Variants in NUP214 observed in about 807,000 individuals in gnomAD.
NUP214 encodes the protein nucleoporin 214, also known as nuclear pore complex protein Nup214.
In NUP214, 79 loss-of-function variants were observed where a neutral mutation model predicts 196.2. The ratio of observed to expected loss-of-function variants is 0.40; its 90% CI spans 0.34 to 0.49. The LOEUF (loss-of-function observed/expected upper bound fraction) is 0.49. Ranked by LOEUF, NUP214 falls within the 20% of genes least tolerant of loss-of-function variation. The pLI is 0.58. For missense variants in NUP214, 2,468 were observed against 2,539.0 expected, an observed-to-expected ratio of 0.97 and a Z score of 0.60; for synonymous variants, 1,020 against 990.5, an observed-to-expected ratio of 1.03 and a Z score of -0.56.
chr9:131,133,720 T>A (rs1831631726), intron 7 of NUP214: 1 of 152,128 alleles, frequency 6.6e-6, no homozygotes, highest in African/African-American at 2.4e-5. Context: ...GTTCTACTGT[T>A]ATGAGGTTAA....
At chr9:131,143,588 A>G (rs1831992825) in intron 11 of NUP214, among the ~76,000 whole-genome samples, 1 of 151,562 alleles carries the variant, frequency 6.6e-6, no homozygotes, top group African/African-American at 2.4e-5. Context: ...CCTTGTTTAT[A>G]TTTCTTTGAT....
At chr9:131,176,123 C>T (rs768631014) in intron 23 of NUP214, among the ~76,000 whole-genome samples, 5 of 151,824 alleles carry the variant, frequency 3.3e-5, no homozygotes, top group Non-Finnish European at 7.4e-5. Context: ...TTTGAGACCA[C>T]CCTAGGCAAC....
In NUP214 at chr9:131,140,655, C is replaced by A; in HGVS notation, c.1239C>A (p.Leu413=). 6.2e-7 allele frequency: 1 copy of A among 1,614,088 alleles called. No individual in the cohort carries two copies. Among genetic ancestry groups the A allele is most frequent in the Non-Finnish European group, 8.5e-7 (1 of 1,179,984 alleles). Reference sequence around the variant, plus strand: ...ATCAAAATCCTGGGGTTAAGTCTCTCATCAAAACACCAGAGCGACTTTCAT... The same window carrying A: ...ATCAAAATCCTGGGGTTAAGTCTCTAATCAAAACACCAGAGCGACTTTCAT... ...MINQNPGVKS[L]IKTPERLSLE... Residue 413 remains leucine (L), a synonymous_variant, in exon 11 of 36, where the codon CTC becomes CTA. Transcript: ENST00000359428.
intron 26 of NUP214, 138 bp from the exon 27 acceptor site, chr9:131,192,070 A>G: frequency 1.8e-6 from 1 of 545,394 alleles, no homozygotes; most frequent in East Asian, 3.1e-5. Context: ...ATGGCCACTG[A>G]CGTGTCACAG....
chr9:131,196,717 T>G (rs987224159), intron 28 of NUP214, among the ~76,000 whole-genome samples: 1 of 152,170 alleles, frequency 6.6e-6, no homozygotes, highest in African/African-American at 2.4e-5. Context: ...AATAGCTGAC[T>G]TAGTAGAGCA....
At position 131,131,241 on chromosome 9, in the gene NUP214, T is replaced by C. The variant is rs150538885; in HGVS notation, c.663+405T>C. ...AGAATCACTCTGGGTTAAAGCACAG[T>C]ATTTGTCTTTTAACTGAGTCTGTCT... On this transcript the variant is annotated intron_variant, in intron 5 of 35. Coordinates refer to ENST00000359428, the MANE Select transcript of NUP214 (RefSeq NM_005085.4). Among the ~76,000 whole-genome samples the C allele has an allele frequency of 4.3e-3, 654 of 152,354 alleles. 5 individuals are homozygous for C. The highest frequency in any genetic ancestry group is 0.015 in the African/African-American group (627 of 41,576).
intron 30 of NUP214, among the ~76,000 whole-genome samples, chr9:131,211,584 A>G (rs1453845049): frequency 4.6e-5 from 7 of 152,216 alleles, no homozygotes; most frequent in Non-Finnish European, 1.0e-4. Context: ...GCCGTGACAG[A>G]AGAACATAAA....
At chr9:131,223,723 A>ATTTATTTATTTAT (rs1554742606) in intron 32 of NUP214, among the ~76,000 whole-genome samples, 4 of 18,980 alleles carry the variant, frequency 2.1e-4, no homozygotes, top group Admixed American at 1.0e-3. Context: ...TTATTTATTT[A>ATTTATTTATTTAT]TTTATTTTTT....
At chr9:131,175,434 A>G (rs551401235) in intron 22 of NUP214, 26 bp from the exon 23 acceptor site, 5 of 1,613,246 alleles carry the variant, frequency 3.1e-6, no homozygotes, top group Admixed American at 3.3e-5. Context: ...TCACCCACTC[A>G]CACTTAATTT....
At chr9:131,211,185 A>G (rs1375828446) in intron 30 of NUP214, among the ~76,000 whole-genome samples, 1 of 152,216 alleles carries the variant, frequency 6.6e-6, no homozygotes, top group Non-Finnish European at 1.5e-5. Context: ...CTTTAATAAA[A>G]CGGTATAATT....
At chr9:131,203,501 C>A in intron 30 of NUP214, among the ~76,000 whole-genome samples, 1 of 152,148 alleles carries the variant, frequency 6.6e-6, no homozygotes, top group Non-Finnish European at 1.5e-5. Context: ...ATTAGTCCGG[C>A]AGTTAATAAA....
chr9:131,195,828 C>G (rs1178939700), intron 28 of NUP214, among the ~76,000 whole-genome samples: 2 of 152,070 alleles, frequency 1.3e-5, no homozygotes, highest in Admixed American at 1.3e-4. Flanking sequence ...GAGTTCAAGA[C>G]CAGCCTGACC....
chr9:131,226,706 G>A (rs1013433823), intron 32 of NUP214, among the ~76,000 whole-genome samples: 30 of 151,732 alleles, frequency 2.0e-4, no homozygotes. Context: ...GTTTTAACAT[G>A]CGGAATGTTA....
Position 131,134,956 on chromosome 9 carries a change from G to A in NUP214, c.890G>A (p.Ser297Asn). 6.2e-7 allele frequency: 1 copy of A among 1,613,932 alleles called. No individual in the cohort carries two copies. The highest frequency in any genetic ancestry group is 2.2e-5 in the East Asian group (1 of 44,882). ...FVNFMEPCYGSCTERQHHYYL... is the reference protein window; with the variant it reads ...FVNFMEPCYGNCTERQHHYYL... ...AACTTTATGGAGCCCTGTTATGGCA[G>A]CTGCACGGAGAGACAGCATCATTAC... The change falls in exon 8 of 36, where the codon AGC becomes AAC. Residue 297 changes from serine (S) to asparagine (N), a missense_variant. Coordinates refer to ENST00000359428, the MANE Select transcript of NUP214 (RefSeq NM_005085.4).
chr9:131,134,708 T>C (rs1463266353), intron 7 of NUP214, among the ~76,000 whole-genome samples, 190 bp from the exon 8 acceptor site: 1 of 152,194 alleles, frequency 6.6e-6, no homozygotes, highest in East Asian at 1.9e-4. Context: ...AGAGTTTAAA[T>C]GCAGTTCGGT....
intron 24 of NUP214, among the ~76,000 whole-genome samples, chr9:131,179,904 G>A (rs1157244893): frequency 6.6e-6 from 1 of 152,214 alleles, no homozygotes; most frequent in Non-Finnish European, 1.5e-5. Flanking sequence ...TTTGGGAATT[G>A]TAGCCAGATT....
rs200377608 is a variant in NUP214, at chr9:131,139,255, CTTTTTTTTTTTTT to C, written c.1006-15_1006-3del. The C allele has an allele frequency of 2.4e-3, 2,624 of 1,093,072 alleles. 74 individuals carry two copies. In the Admixed American group the frequency reaches 0.057, roughly 24 times the overall value. 67.7% of individuals were successfully genotyped at this position (1,093,072 alleles called of 1,614,324 possible). Reference sequence around the variant, plus strand: ...CTTTTTCTTTTTTCTTCTTCTTCTTCTTTTTTTTTTTTTTTTTTTTTTTAGATTAATTGGGAAT... The same window carrying C: ...CTTTTTCTTTTTTCTTCTTCTTCTTCTTTTTTTTTTAGATTAATTGGGAAT... On this transcript the variant is annotated splice_polypyrimidine_tract_variant and intron_variant, in intron 9 of 35. Coordinates refer to ENST00000359428, the MANE Select transcript of NUP214 (RefSeq NM_005085.4).
chr9:131,206,141 C>CTTTTT (rs1588166866), intron 30 of NUP214, among the ~76,000 whole-genome samples: 1 of 23,872 alleles, frequency 4.2e-5, no homozygotes, highest in South Asian at 2.2e-3. Context: ...GAATTTTTTT[C>CTTTTT]TTTTTTCTTT....
At chr9:131,154,648 G>A (rs978348534) in intron 17 of NUP214, among the ~76,000 whole-genome samples, 1 of 152,170 alleles carries the variant, frequency 6.6e-6, no homozygotes, top group Non-Finnish European at 1.5e-5. Flanking sequence ...CGCCTGTTCC[G>A]TTGTATCATT....
Sources: allele counts gnomAD v4.1 joint callset (sites outside exome capture counted in the v4.1 genomes callset), GRCh38; gene constraint gnomAD v4.1.1; transcripts MANE v1.5; gene names NCBI Gene and HGNC (gene_info 2026-07-23, HGNC 2026-07-21).